Variants in PRICKLE1 observed in about 807,000 individuals in gnomAD.
The protein encoded by PRICKLE1 is prickle-like protein 1.
PRICKLE1 carries 14 observed loss-of-function variants against 70.2 expected under a neutral mutation model. The ratio of observed to expected loss-of-function variants is 0.20; its 90% CI spans 0.13 to 0.31. The LOEUF is 0.31. Ranked by LOEUF, PRICKLE1 falls within the 10% of genes least tolerant of loss-of-function variation. PRICKLE1 has a pLI of 1.00. For synonymous variants in PRICKLE1, 357 were observed against 379.9 expected, an observed-to-expected ratio of 0.94 and a Z score of 0.70; for missense variants, 821 against 1,026.2, an observed-to-expected ratio of 0.80 and a Z score of 2.73.
chr12:42,552,268 A>G (rs1243564456), intron 1 of PRICKLE1, among the ~76,000 whole-genome samples: 1 of 151,956 alleles, frequency 6.6e-6, no homozygotes, highest in Non-Finnish European at 1.5e-5. Flanking sequence ...GGGTTTTGCC[A>G]TGTTGCCTAG....
intron 1 of PRICKLE1, among the ~76,000 whole-genome samples, chr12:42,521,818 T>C (rs1416754044): frequency 6.6e-6 from 1 of 152,154 alleles, no homozygotes; most frequent in African/African-American, 2.4e-5. Context: ...GTGAAGAACA[T>C]GTCTACATAA....
At chr12:42,471,166 G>A (rs573146542) in intron 2 of PRICKLE1, among the ~76,000 whole-genome samples, 1 of 152,260 alleles carries the variant, frequency 6.6e-6, no homozygotes, top group Admixed American at 6.5e-5. Context: ...GCTTCCATGA[G>A]TGCTATTTTC....
chr12:42,546,054 C>T (rs891171020), intron 1 of PRICKLE1, among the ~76,000 whole-genome samples: 13 of 151,724 alleles, frequency 8.6e-5, no homozygotes, highest in South Asian at 2.1e-4. Context: ...TAAACACTGA[C>T]GAACAAACAT....
At position 42,459,913 on chromosome 12, in the gene PRICKLE1, G is replaced by T; in HGVS notation, c.2392C>A (p.Leu798Ile). ...PQRFAYYTDD[L>I]SSPPSALPTP... ...GGAAGTGCAGATGGTGGACTAGAAA[G>T]GTCATCTGTATAGTAGGCAAATCTC... The change falls in exon 8 of 8, where the codon CTT becomes ATT. Residue 798 changes from leucine to isoleucine, a missense_variant. Leu to Ile is a conservative substitution (Grantham distance 5). Coordinates refer to ENST00000345127, the MANE Select transcript of PRICKLE1 (RefSeq NM_153026.3). 1 of 1,614,144 alleles carries T rather than the reference G, an allele frequency of 6.2e-7. No homozygotes were observed. The highest frequency in any genetic ancestry group is 8.5e-7 in the Non-Finnish European group (1 of 1,180,016).
intron 1 of PRICKLE1, chr12:42,483,496 G>A (rs914278676): frequency 1.3e-5 from 2 of 151,932 alleles, no homozygotes; most frequent in African/African-American, 4.8e-5. Flanking sequence ...GGCCCGGAGC[G>A]GGAGCGGAGG....
At chr12:42,523,162 T>C (rs1283299547) in intron 1 of PRICKLE1, among the ~76,000 whole-genome samples, 1 of 152,058 alleles carries the variant, frequency 6.6e-6, no homozygotes, top group Non-Finnish European at 1.5e-5. Context: ...AGAGACGGGG[T>C]TTCACTGTGT....
Position 42,514,405 on chromosome 12 carries a change from C to A in PRICKLE1, c.-48-41841G>T, listed in dbSNP as rs894926299. ...TCTTCAGTGGAAGAAGAAAGATCAT[C>A]ATCTTTTTTTTTGTTTTTCCTGTGG... On this transcript the variant is annotated intron_variant, in intron 1 of 7. Transcript: ENST00000345127. Among the ~76,000 whole-genome samples, 10 of 149,764 alleles carry A rather than the reference C, an allele frequency of 6.7e-5. No individual in the cohort carries two copies. The East Asian group carries it at 1.5e-3, about 23-fold the overall frequency.
At chr12:42,551,747 G>A (rs369848158) in intron 1 of PRICKLE1, among the ~76,000 whole-genome samples, 1 of 152,182 alleles carries the variant, frequency 6.6e-6, no homozygotes, top group African/African-American at 2.4e-5. Flanking sequence ...TCTTCCAAAA[G>A]GTTGGCTGTC....
At chr12:42,475,961 G>C (rs771201736) in intron 1 of PRICKLE1, among the ~76,000 whole-genome samples, 1 of 151,464 alleles carries the variant, frequency 6.6e-6, no homozygotes, top group Non-Finnish European at 1.5e-5. Flanking sequence ...TCAGCTGGGC[G>C]TGGTGGTATG....
chr12:42,481,403 C>T (rs141598471), intron 1 of PRICKLE1, among the ~76,000 whole-genome samples: 3 of 152,216 alleles, frequency 2.0e-5, no homozygotes, highest in African/African-American at 7.2e-5. Flanking sequence ...TTGTAAGATC[C>T]CTATGAAAAA....
At chr12:42,576,565 T>C (rs1940809759) in intron 1 of PRICKLE1, among the ~76,000 whole-genome samples, 1 of 152,250 alleles carries the variant, frequency 6.6e-6, no homozygotes, top group Non-Finnish European at 1.5e-5. Flanking sequence ...CTTTGAGTCA[T>C]GGCTGAAGTG....
chr12:42,527,176 C>T (rs779281362), intron 1 of PRICKLE1, among the ~76,000 whole-genome samples: 1 of 137,872 alleles, frequency 7.3e-6, no homozygotes, highest in African/African-American at 2.7e-5. Flanking sequence ...TCTGTAGCCC[C>T]GGATGGAGTG....
At chr12:42,564,739 T>G (rs1388656953) in intron 1 of PRICKLE1, among the ~76,000 whole-genome samples, 1 of 152,104 alleles carries the variant, frequency 6.6e-6, no homozygotes, top group Non-Finnish European at 1.5e-5. Context: ...AGAATGTAGT[T>G]ATTATTATTT....
chr12:42,512,953 T>C (rs983569585), intron 1 of PRICKLE1, among the ~76,000 whole-genome samples: 26 of 10,148 alleles, frequency 2.6e-3, no homozygotes, highest in Admixed American at 0.021. Context: ...CCTAAGGCAT[T>C]ATTATTATTA....
intron 1 of PRICKLE1, chr12:42,584,346 A>T (rs1312287318): frequency 6.6e-6 from 1 of 152,218 alleles, no homozygotes; most frequent in Non-Finnish European, 1.5e-5. Flanking sequence ...ACTTGAAAAC[A>T]TTAGCTACTT....
chr12:42,537,291 T>A (rs1360962361), intron 1 of PRICKLE1, among the ~76,000 whole-genome samples: 1 of 152,094 alleles, frequency 6.6e-6, no homozygotes, highest in African/African-American at 2.4e-5. Flanking sequence ...CTGGAGTAGC[T>A]GGGACCACAG....
intron 1 of PRICKLE1, among the ~76,000 whole-genome samples, chr12:42,519,190 TTCC>T (rs1693543841): frequency 8.5e-6 from 1 of 117,786 alleles, no homozygotes; most frequent in Non-Finnish European, 1.8e-5. Flanking sequence ...TTTCCTTTTT[TTCC>T]TTTTTTTTTT....
At chr12:42,558,388 G>A (rs1365810737) in intron 1 of PRICKLE1, among the ~76,000 whole-genome samples, 1 of 152,188 alleles carries the variant, frequency 6.6e-6, no homozygotes, top group Non-Finnish European at 1.5e-5. Flanking sequence ...GTAGAGAAAT[G>A]CCAGGTTAAT....
intron 1 of PRICKLE1, among the ~76,000 whole-genome samples, chr12:42,487,727 G>A (rs1939014253): frequency 6.6e-6 from 1 of 152,152 alleles, no homozygotes; most frequent in South Asian, 2.1e-4. Flanking sequence ...TTTGAGGAGA[G>A]AACACAATCC....
Sources: gnomAD v4.1 joint callset for allele counts (sites outside exome capture counted in the v4.1 genomes callset) on GRCh38, gnomAD v4.1.1 for gene constraint, MANE v1.5 for transcripts, NCBI Gene and HGNC (gene_info 2026-07-23, HGNC 2026-07-21) for gene names.